LASP1: variants seen among roughly 807,000 people sequenced by gnomAD.
The protein encoded by LASP1 is LIM and SH3 domain protein 1.
In LASP1, 10 loss-of-function variants were observed where a neutral mutation model predicts 38.6. That is an observed-to-expected ratio of 0.26 (90% CI 0.16 to 0.44). The LOEUF (loss-of-function observed/expected upper bound fraction) is 0.44, where lower values mean the gene tolerates loss of function less well. LASP1 is among the 20% of genes least tolerant of loss of function. The probability of loss-of-function intolerance (pLI) is 1.00; values close to 1 mark genes in which losing one functional copy is unlikely to be tolerated. For missense variants in LASP1, 243 were observed against 375.7 expected (o/e 0.65, Z 2.92); for synonymous variants, 132 against 140.8 (o/e 0.94, Z 0.44).
At chr17:38,898,362 C>T (rs1914547193) in intron 3 of LASP1, 50 bp from the exon 4 acceptor site, 1 of 1,389,490 alleles carries the variant, frequency 7.2e-7, no homozygotes, top group Admixed American at 2.2e-5. Flanking sequence ...CAAGCCGAGG[C>T]CCTTTCGGCT....
chr17:38,915,409 C>T, intron 6 of LASP1: 1 of 345,926 alleles, frequency 2.9e-6, no homozygotes. Flanking sequence ...CCCCAGCTAC[C>T]TGGGAACACA....
chr17:38,898,713 C>CTTTCTTGAAGT, intron 4 of LASP1, 194 bp downstream of exon 4: 2 of 657,162 alleles, frequency 3.0e-6, no homozygotes, highest in South Asian at 3.0e-5. Context: ...ACCACCAGCA[C>CTTTCTTGAAGT]GCATAGCATT....
intron 5 of LASP1, 67 bp from the exon 6 acceptor site, chr17:38,914,976 C>T (rs78986381): frequency 0.025 from 37,060 of 1,484,998 alleles, 566 homozygotes; most frequent in Middle Eastern, 0.066. Flanking sequence ...ATGGACTTCT[C>T]GGGAGCTCTG....
intron 1 of LASP1, 148 bp from the exon 2 acceptor site, chr17:38,877,938 C>T (rs1461009156): frequency 1.7e-6 from 1 of 599,624 alleles, no homozygotes; most frequent in Non-Finnish European, 3.0e-6. Context: ...CTGAAATGCC[C>T]CCAGCTCACC....
intron 4 of LASP1, chr17:38,898,981 A>G: frequency 3.5e-6 from 1 of 283,506 alleles, no homozygotes; most frequent in Non-Finnish European, 7.2e-6. Context: ...CTGTGTAAAA[A>G]CCCCAGCCAG....
At chr17:38,907,532 A>G (rs999477474) in intron 4 of LASP1, among the ~76,000 whole-genome samples, 1 of 152,116 alleles carries the variant, frequency 6.6e-6, no homozygotes, top group African/African-American at 2.4e-5. Flanking sequence ...TCTGAGCCTC[A>G]TGTTCCTCTT....
chr17:38,907,682 G>C (rs559212846), intron 4 of LASP1, among the ~76,000 whole-genome samples: 2 of 152,304 alleles, frequency 1.3e-5, no homozygotes, highest in South Asian at 4.1e-4. Flanking sequence ...CACCCAGGAA[G>C]GGTGTCCTGG....
chr17:38,920,066 C>T lies in LASP1; in HGVS notation c.*1288C>T, dbSNP rs1018035511. On this transcript the variant is annotated 3_prime_UTR_variant, in exon 7 of 7. Coordinates refer to ENST00000318008, the MANE Select transcript of LASP1 (RefSeq NM_006148.4). ...TTTGGAATGAAATTCCTCCTTCCCC[C>T]CATCTCTGAGTGGAGGAAGCCCACC... 3.7e-6 allele frequency: 2 copies of T among 536,710 alleles called. No individual in the cohort carries two copies. Among genetic ancestry groups the T allele is most frequent in the African/African-American group, 3.7e-5 (2 of 53,930 alleles). The allele number at this position is 536,710 out of a possible 1,614,324, so 33.2% of individuals were successfully genotyped here.
At chr17:38,887,672 C>G (rs935508119) in intron 2 of LASP1, among the ~76,000 whole-genome samples, 1 of 152,150 alleles carries the variant, frequency 6.6e-6, no homozygotes, top group Non-Finnish European at 1.5e-5. Context: ...CATCTGGATC[C>G]GGGACAGTGA....
At chr17:38,906,940 T>C (rs1278188894) in intron 4 of LASP1, among the ~76,000 whole-genome samples, 1 of 152,184 alleles carries the variant, frequency 6.6e-6, no homozygotes, top group Admixed American at 6.5e-5. Context: ...GGCTGGGGGC[T>C]GTGCTGACAT....
intron 6 of LASP1, among the ~76,000 whole-genome samples, chr17:38,917,053 T>G (rs560741505): frequency 6.6e-6 from 1 of 152,114 alleles, no homozygotes; most frequent in Admixed American, 6.5e-5. Flanking sequence ...TGCAGGGACT[T>G]GTGGGCCCCA....
intron 4 of LASP1, chr17:38,898,945 C>T: frequency 2.8e-6 from 1 of 360,088 alleles, no homozygotes; most frequent in Non-Finnish European, 5.5e-6. Context: ...TTGGCCTCCT[C>T]CCCCACATCA....
intron 4 of LASP1, among the ~76,000 whole-genome samples, chr17:38,907,920 T>G (rs1914818142): frequency 6.6e-6 from 1 of 152,078 alleles, no homozygotes; most frequent in African/African-American, 2.4e-5. Context: ...TATTTACAGA[T>G]GAGGAAACTG....
At chr17:38,883,437 T>C (rs1281965828) in intron 2 of LASP1, among the ~76,000 whole-genome samples, 4 of 152,118 alleles carry the variant, frequency 2.6e-5, no homozygotes, top group East Asian at 3.9e-4. Flanking sequence ...AACCCCGCAC[T>C]GGGGCCCAGG....
At position 38,919,852 on chromosome 17, in the gene LASP1, G is replaced by T. The variant is rs1031438952; in HGVS notation, c.*1074G>T. 4.3e-6 allele frequency: 2 copies of T among 465,404 alleles called. No individual in the cohort carries two copies. Among genetic ancestry groups the T allele is most frequent in the Non-Finnish European group, 4.2e-6 (1 of 239,732 alleles). The allele number at this position is 465,404 out of a possible 1,614,324, so 28.8% of individuals were successfully genotyped here. A position where few individuals can be genotyped will look rare whatever the true frequency, so the allele number is the denominator to read the frequency against. On this transcript the variant is annotated 3_prime_UTR_variant, in exon 7 of 7. Transcript: ENST00000318008. ...GGAGGCAGGAGCATGTATGTCTGCAGGTGTCTGACACGCAAGTGTGTGAGT... is the reference window on the plus strand; with the variant it reads ...GGAGGCAGGAGCATGTATGTCTGCATGTGTCTGACACGCAAGTGTGTGAGT...
At chr17:38,870,727 G>A (rs906116162) in intron 1 of LASP1, among the ~76,000 whole-genome samples, 1 of 152,180 alleles carries the variant, frequency 6.6e-6, no homozygotes, top group African/African-American at 2.4e-5. Context: ...GTCCGCTCCG[G>A]CGGGGGTGGC....
chr17:38,898,300 C>A, intron 3 of LASP1, 112 bp from the exon 4 acceptor site: 1 of 631,648 alleles, frequency 1.6e-6, no homozygotes, highest in Non-Finnish European at 2.8e-6. Context: ...CAGGGTCTTT[C>A]TGCTGACTCC....
chr17:38,898,640 C>T (rs867124374), intron 4 of LASP1, 121 bp downstream of exon 4: 2 of 758,508 alleles, frequency 2.6e-6, no homozygotes, highest in African/African-American at 1.7e-5. Context: ...TACCCCTGCC[C>T]TCCAGGGTGG....
intron 1 of LASP1, among the ~76,000 whole-genome samples, chr17:38,871,625 C>T (rs767050974): frequency 9.2e-5 from 14 of 151,996 alleles, no homozygotes; most frequent in Admixed American, 4.6e-4. Context: ...CTCCCCTCCC[C>T]CTTGGTGTGT....
Sources: gnomAD v4.1 joint callset for allele counts (sites outside exome capture counted in the v4.1 genomes callset) on GRCh38, gnomAD v4.1.1 for gene constraint, MANE v1.5 for transcripts, NCBI Gene and HGNC (gene_info 2026-07-23, HGNC 2026-07-21) for gene names.